TGFBRAP1: variants seen among roughly 807,000 people sequenced by gnomAD.
The protein encoded by TGFBRAP1 is transforming growth factor beta receptor associated protein 1, also known as transforming growth factor-beta receptor-associated protein 1.
In TGFBRAP1, 20 loss-of-function variants were observed where a neutral mutation model predicts 83.2. The observed-to-expected ratio is 0.24, with a 90% CI of 0.17 to 0.35. The LOEUF (loss-of-function observed/expected upper bound fraction) is 0.35. Among genes scored for constraint, TGFBRAP1 ranks in the 10% least tolerant of loss-of-function variants. TGFBRAP1 has a pLI of 1.00. For synonymous variants in TGFBRAP1, 415 were observed against 459.8 expected (o/e 0.90, Z 1.25); for missense variants, 950 against 1,099.4 (o/e 0.86, Z 1.92).
At chr2:105,311,288 A>G (rs907567595) in intron 1 of TGFBRAP1, among the ~76,000 whole-genome samples, 4 of 152,206 alleles carry the variant, frequency 2.6e-5, no homozygotes, top group Admixed American at 2.0e-4. Context: ...GCTTCCTATT[A>G]TAGGCCTTTA....
chr2:105,291,087 G>C (rs1453437875), intron 4 of TGFBRAP1, among the ~76,000 whole-genome samples: 1 of 152,162 alleles, frequency 6.6e-6, no homozygotes, highest in African/African-American at 2.4e-5. Flanking sequence ...GCTTGTGTCT[G>C]TGTCTCCCTA....
chr2:105,257,924 A>G, the TGFBRAP1 span, among the ~76,000 whole-genome samples: 1 of 152,140 alleles, frequency 6.6e-6, no homozygotes, highest in Non-Finnish European at 1.5e-5. Context: ...TATCCACAGA[A>G]CTTTGCACAA....
At chr2:105,303,860 T>C (rs922012380) in intron 2 of TGFBRAP1, among the ~76,000 whole-genome samples, 1 of 152,136 alleles carries the variant, frequency 6.6e-6, no homozygotes, top group Non-Finnish European at 1.5e-5. Context: ...ATGAAATCAT[T>C]AAAATCCAGA....
chr2:105,261,952 C>T (rs1385605829), downstream of TGFBRAP1, among the ~76,000 whole-genome samples: 1 of 152,084 alleles, frequency 6.6e-6, no homozygotes, highest in Non-Finnish European at 1.5e-5. Context: ...TCAGACACAC[C>T]TGTGGGGGCA....
intron 2 of TGFBRAP1, among the ~76,000 whole-genome samples, chr2:105,299,057 T>C (rs1156347220): frequency 1.3e-5 from 2 of 152,108 alleles, no homozygotes; most frequent in Admixed American, 6.5e-5. Context: ...GGCGGGCAGA[T>C]GGTGCTTGAG....
rs938288826 is a variant in TGFBRAP1, at chr2:105,267,211, T to C, written c.*172A>G. The C allele has an allele frequency of 1.5e-6, 1 of 663,310 alleles. No homozygotes were observed. Among genetic ancestry groups the C allele is most frequent in the Non-Finnish European group, 2.5e-6 (1 of 406,814 alleles). The allele number at this position is 663,310 out of a possible 1,614,324, so 41.1% of individuals were successfully genotyped here. A position where few individuals can be genotyped will look rare whatever the true frequency, so the allele number is the denominator to read the frequency against. On this transcript the variant is annotated 3_prime_UTR_variant, in exon 12 of 12. Transcript: ENST00000393359. Reference sequence around the variant, plus strand: ...AGCCTGGTCATTCCATGTACATTCATAGAGCCTGGTCAGCAGCGAGGAGTC... The same window carrying C: ...AGCCTGGTCATTCCATGTACATTCACAGAGCCTGGTCAGCAGCGAGGAGTC...
chr2:105,296,675 T>C (rs1359506633), intron 3 of TGFBRAP1, among the ~76,000 whole-genome samples, 165 bp from the exon 4 acceptor site: 1 of 151,656 alleles, frequency 6.6e-6, no homozygotes, highest in Non-Finnish European at 1.5e-5. Flanking sequence ...CTTTTCTTTT[T>C]CCCACACTGT....
intron 5 of TGFBRAP1, among the ~76,000 whole-genome samples, chr2:105,282,955 C>G (rs927540203): frequency 6.6e-6 from 1 of 152,150 alleles, no homozygotes; most frequent in African/African-American, 2.4e-5. Context: ...ATAACAGGCC[C>G]CACATCTATT....
chr2:105,328,143 T>C (rs1679274019), intron 1 of TGFBRAP1, among the ~76,000 whole-genome samples: 2 of 152,164 alleles, frequency 1.3e-5, no homozygotes, highest in South Asian at 4.1e-4. Context: ...ATATTATCCC[T>C]ATTTTGATGG....
At chr2:105,314,949 CA>C (rs34579505) in intron 1 of TGFBRAP1, among the ~76,000 whole-genome samples, 4,718 of 88,736 alleles carry the variant, frequency 0.053, 174 homozygotes, top group African/African-American at 0.19. Flanking sequence ...GACTCTGTCT[CA>C]AAAAAAAAAA....
chr2:105,262,231 A>C (rs1209601135), downstream of TGFBRAP1, among the ~76,000 whole-genome samples: 1 of 152,088 alleles, frequency 6.6e-6, no homozygotes, highest in Non-Finnish European at 1.5e-5. Context: ...CCAGTGTTGG[A>C]GGTGGGGCCT....
rs142013429 is a variant in TGFBRAP1, at chr2:105,273,548, A to T, written c.1808T>A (p.Leu603Gln). Residue 603 changes from leucine (L) to glutamine (Q), a missense_variant, in exon 9 of 12, where the codon CTG becomes CAG. Coordinates refer to ENST00000393359, the MANE Select transcript of TGFBRAP1 (RefSeq NM_004257.6). ...YLEHLVIDKRLQKEEYHTHLA... is the reference protein window; with the variant it reads ...YLEHLVIDKRQQKEEYHTHLA... ...TCTAACTTCTGCAGTGCTCACCTGC[A>T]GTCTCTTGTCTATCACAAGATGTTC... 28 of 1,614,118 alleles carry T rather than the reference A, an allele frequency of 1.7e-5. No homozygotes were observed. The African/African-American group carries it at 3.3e-4, about 19-fold the overall frequency.
intron 1 of TGFBRAP1, among the ~76,000 whole-genome samples, chr2:105,309,144 T>A (rs559580937): frequency 6.6e-6 from 1 of 152,210 alleles, no homozygotes; most frequent in African/African-American, 2.4e-5. Flanking sequence ...TGCAGAGAAC[T>A]GTGGCTTCAC....
Position 105,308,197 on chromosome 2 carries a change from C to A in TGFBRAP1, c.105G>T (p.Arg35Ser). 1 of 1,614,224 alleles carries A rather than the reference C, an allele frequency of 6.2e-7. No homozygotes were observed. The highest frequency in any genetic ancestry group is 8.5e-7 in the Non-Finnish European group (1 of 1,180,038). ...AGTCGTTGGTGCCCACGTAGAGGTC[C>A]CTGCCGCAGCACTCCACGCACTCTA... is the stretch of plus-strand genomic sequence containing the variant. ...VNIECVECCG[R>S]DLYVGTNDCF... Residue 35 changes from arginine to serine, a missense_variant, in exon 2 of 12, where the codon AGG (arginine) becomes AGT (serine). By Grantham distance (110) the Arg-to-Ser change is moderately radical (BLOSUM62 -1). Coordinates refer to ENST00000393359, the MANE Select transcript of TGFBRAP1 (RefSeq NM_004257.6).
Position 105,298,500 on chromosome 2 carries a change from T to A in TGFBRAP1, c.883+11A>T, listed in dbSNP as rs1178709846. 3 of 1,559,368 alleles carry A rather than the reference T, an allele frequency of 1.9e-6. 1 individual carries two copies. In the South Asian group the frequency reaches 3.5e-5, roughly 18 times the overall value. On this transcript the variant is annotated intron_variant, in intron 3 of 11. Coordinates refer to ENST00000393359, the MANE Select transcript of TGFBRAP1 (RefSeq NM_004257.6). Reference sequence around the variant, plus strand: ...AGTAAATTTCACTAAGACTTCTATGTGAATGAGTACCTTCAAAGTCCTGTA... The same window carrying A: ...AGTAAATTTCACTAAGACTTCTATGAGAATGAGTACCTTCAAAGTCCTGTA...
chr2:105,252,901 C>T, the TGFBRAP1 span, among the ~76,000 whole-genome samples: 1 of 148,678 alleles, frequency 6.7e-6, no homozygotes, highest in East Asian at 2.1e-4. Context: ...TACAGGGGTC[C>T]ACCACCACAC....
chr2:105,327,734 T>C lies in TGFBRAP1; in HGVS notation c.-18+1891A>G, dbSNP rs930223232. On this transcript the variant is annotated intron_variant, in intron 1 of 11. Transcript: ENST00000393359. ...CTGGAGGGTTTAAGCTGAGGTTAGA[T>C]TGGTCCTGGGATTCCTGCAGTGGTG... Among the ~76,000 whole-genome samples, 14 of 152,338 alleles carry C rather than the reference T, an allele frequency of 9.2e-5. 1 individual carries two copies. Among genetic ancestry groups the C allele is most frequent in the South Asian group, 6.2e-4 (3 of 4,828 alleles).
intron 1 of TGFBRAP1, among the ~76,000 whole-genome samples, chr2:105,316,443 G>GTC (rs1678860702): frequency 1.3e-5 from 1 of 75,098 alleles, no homozygotes; most frequent in Non-Finnish European, 2.8e-5. Context: ...GTGTGTGTGT[G>GTC]TGTGTGTGTG....
At chr2:105,298,303 G>A (rs937326190) in intron 3 of TGFBRAP1, among the ~76,000 whole-genome samples, 45 of 152,102 alleles carry the variant, frequency 3.0e-4, no homozygotes, top group Admixed American at 2.2e-3. Context: ...TTATTCCATC[G>A]TGATCAAGCT....
Sources: gnomAD v4.1 joint callset for allele counts (sites outside exome capture counted in the v4.1 genomes callset) on GRCh38, gnomAD v4.1.1 for gene constraint, MANE v1.5 for transcripts, NCBI Gene and HGNC (gene_info 2026-07-23, HGNC 2026-07-21) for gene names.